RNF216: variants seen among roughly 807,000 people sequenced by gnomAD.
RNF216 encodes ring finger protein 216.
A neutral mutation model predicts 110.8 loss-of-function variants in RNF216; 72 were observed. That is an observed-to-expected ratio of 0.65 (90% CI 0.54 to 0.79). The LOEUF (loss-of-function observed/expected upper bound fraction) is 0.79, where lower values mean the gene tolerates loss of function less well. Among genes scored for constraint, RNF216 ranks in the 30% least tolerant of loss-of-function variants. The pLI is 0.00. For synonymous variants in RNF216, 495 were observed against 407.5 expected, an observed-to-expected ratio of 1.21 and a Z score of -2.59; for missense variants, 1,342 against 1,141.2, an observed-to-expected ratio of 1.18 and a Z score of -2.54.
intron 13 of RNF216, among the ~76,000 whole-genome samples, chr7:5,653,599 T>TAA (rs1788536368): frequency 1.0e-4 from 2 of 19,748 alleles, no homozygotes; most frequent in African/African-American, 3.3e-4. Context: ...AGACTCTGTC[T>TAA]CAAAAAAAAA....
At chr7:5,773,631 G>C (rs781059493) in intron 1 of RNF216, among the ~76,000 whole-genome samples, 1 of 151,496 alleles carries the variant, frequency 6.6e-6, no homozygotes, top group African/African-American at 2.4e-5. Flanking sequence ...GCAGTGGCAC[G>C]ATCTCAGCTC....
At chr7:5,766,145 C>G (rs750159402) in intron 1 of RNF216, among the ~76,000 whole-genome samples, 2 of 151,754 alleles carry the variant, frequency 1.3e-5, no homozygotes, top group African/African-American at 4.8e-5. Context: ...AAAAAACTAG[C>G]TGCGCGGGGT....
chr7:5,740,906 G>GAAAAA, intron 4 of RNF216, 67 bp downstream of exon 4: 1 of 1,147,082 alleles, frequency 8.7e-7, no homozygotes, highest in Non-Finnish European at 1.2e-6. Flanking sequence ...TTTTTGCAAT[G>GAAAAA]AAAAAAAAAA....
rs142679137 is a variant in RNF216 at position 5,625,174 on chromosome 7, G to A, written c.2383-1049C>T. On this transcript the variant is annotated intron_variant, in intron 15 of 16. Transcript: ENST00000389902. ...GCAACACCGTGGCAAACCCAAACAC[G>A]CCAACTGCCGGCTCAGCAAGCAGGA... Among the ~76,000 whole-genome samples the A allele has an allele frequency of 1.0e-3, 156 of 152,304 alleles. 1 individual carries two copies. The East Asian group carries it at 0.013, about 12-fold the overall frequency.
At chr7:5,698,662 G>A (rs1335310236) in intron 13 of RNF216, among the ~76,000 whole-genome samples, 5 of 152,048 alleles carry the variant, frequency 3.3e-5, no homozygotes, top group African/African-American at 4.8e-5. Flanking sequence ...CCAAAGTGCT[G>A]GAATTATAGG....
At chr7:5,649,404 A>G (rs1342958063) in intron 14 of RNF216, among the ~76,000 whole-genome samples, 2 of 152,000 alleles carry the variant, frequency 1.3e-5, no homozygotes, top group Middle Eastern at 3.4e-3. Context: ...AAAAAGACAG[A>G]AAGAAAGGGA....
Position 5,636,992 on chromosome 7 carries a change from G to C in RNF216, c.2382+4162C>G, listed in dbSNP as rs193008112. ...AAGAAAGAAAAAAGTGCTGAGAATA[G>C]GCCAGACTGTTAACACCCACCCTCA... On this transcript the variant is annotated intron_variant, in intron 15 of 16. Coordinates refer to ENST00000389902, the MANE Select transcript of RNF216 (RefSeq NM_207111.4). 7.2e-5 allele frequency among the ~76,000 whole-genome samples: 11 copies of C among 152,140 alleles called. No homozygotes were observed. In the East Asian group the frequency reaches 2.1e-3, roughly 29 times the overall value.
chr7:5,720,702 A>G (rs1301108204), intron 9 of RNF216, among the ~76,000 whole-genome samples: 2 of 152,196 alleles, frequency 1.3e-5, no homozygotes, highest in South Asian at 2.1e-4. Context: ...GATACTTATT[A>G]AACAACCAAT....
intron 13 of RNF216, among the ~76,000 whole-genome samples, chr7:5,701,797 C>T (rs895476507): frequency 6.6e-6 from 1 of 152,210 alleles, no homozygotes; most frequent in Non-Finnish European, 1.5e-5. Context: ...CAGAGCTGCA[C>T]ATCAATCAAC....
chr7:5,740,581 C>T (rs555813068), intron 4 of RNF216, among the ~76,000 whole-genome samples: 4 of 152,176 alleles, frequency 2.6e-5, no homozygotes, highest in African/African-American at 9.6e-5. Context: ...AACTGTAAGA[C>T]ATTTAAATGT....
intron 14 of RNF216, among the ~76,000 whole-genome samples, chr7:5,646,972 T>C (rs1051867851): frequency 4.6e-5 from 7 of 152,226 alleles, no homozygotes; most frequent in African/African-American, 1.7e-4. Flanking sequence ...TGTTGAGCCC[T>C]AGACATGTAC....
intron 5 of RNF216, among the ~76,000 whole-genome samples, chr7:5,735,838 T>C: frequency 6.6e-6 from 1 of 152,176 alleles, no homozygotes; most frequent in Non-Finnish European, 1.5e-5. Context: ...GTCACACCTG[T>C]AATCCCAGCA....
chr7:5,635,524 C>T (rs1321640822), intron 15 of RNF216, among the ~76,000 whole-genome samples: 2 of 152,162 alleles, frequency 1.3e-5, no homozygotes, highest in Admixed American at 1.3e-4. Context: ...TCAATCCTCC[C>T]TTTCACAGCC....
At chr7:5,708,224 C>G (rs1202272716) in intron 13 of RNF216, among the ~76,000 whole-genome samples, 1 of 152,184 alleles carries the variant, frequency 6.6e-6, no homozygotes, top group Non-Finnish European at 1.5e-5. Flanking sequence ...TGCCTGTTGG[C>G]TAGAATATTT....
At chr7:5,756,254 A>G (rs1039161942) in intron 2 of RNF216, among the ~76,000 whole-genome samples, 1 of 152,142 alleles carries the variant, frequency 6.6e-6, no homozygotes, top group Non-Finnish European at 1.5e-5. Flanking sequence ...AGGCCTTCCC[A>G]GCAATATGGA....
At chr7:5,737,072 C>T (rs1399536130) in intron 5 of RNF216, among the ~76,000 whole-genome samples, 2 of 152,166 alleles carry the variant, frequency 1.3e-5, no homozygotes, top group South Asian at 2.1e-4. Flanking sequence ...ACAGCTGTGT[C>T]GAATAGAAAA....
intron 15 of RNF216, among the ~76,000 whole-genome samples, chr7:5,629,826 C>CAAAAAAA (rs34172457): frequency 1.9e-5 from 1 of 54,046 alleles, no homozygotes; most frequent in African/African-American, 7.0e-5. Flanking sequence ...GACTCTGTCT[C>CAAAAAAA]AAAAAAAAAA....
At chr7:5,639,763 A>ATT (rs749853413) in intron 15 of RNF216, among the ~76,000 whole-genome samples, 5 of 134,782 alleles carry the variant, frequency 3.7e-5, no homozygotes, top group Admixed American at 7.5e-5. Flanking sequence ...CCTAGCCTTA[A>ATT]TTTTTTTTTT....
intron 5 of RNF216, among the ~76,000 whole-genome samples, chr7:5,731,801 G>A (rs1456392099): frequency 2.0e-5 from 3 of 149,078 alleles, no homozygotes; most frequent in Non-Finnish European, 1.5e-5. Flanking sequence ...TCAATAGTAA[G>A]GCCTGTAATA....
Sources: gnomAD v4.1 joint callset for allele counts (sites outside exome capture counted in the v4.1 genomes callset) on GRCh38, gnomAD v4.1.1 for gene constraint, MANE v1.5 for transcripts, NCBI Gene and HGNC (gene_info 2026-07-23, HGNC 2026-07-21) for gene names.